AFF4: variants seen among roughly 807,000 people sequenced by gnomAD.
The protein encoded by AFF4 is AF4/FMR2 family member 4.
Under a neutral mutation model 124.8 loss-of-function variants are expected in AFF4, and 13 were observed. That is an observed-to-expected ratio of 0.10 (90% CI 0.07 to 0.17). The LOEUF is 0.17. Ranked by LOEUF, AFF4 falls within the 10% of genes least tolerant of loss-of-function variation. AFF4 has a pLI of 1.00. For missense variants in AFF4, 1,092 were observed against 1,403.8 expected (o/e 0.78, Z 3.55); for synonymous variants, 477 against 496.1 (o/e 0.96, Z 0.51).
intron 1 of AFF4, among the ~76,000 whole-genome samples, chr5:132,957,912 G>C (rs1352450367): frequency 6.6e-6 from 1 of 151,944 alleles, no homozygotes; most frequent in East Asian, 1.9e-4. Context: ...ACAATAAAAA[G>C]ATAGAGGAAA....
chr5:132,877,439 TAATA>T lies in AFF4; in HGVS notation c.*3616_*3619del, dbSNP rs1428767938. On this transcript the variant is annotated 3_prime_UTR_variant, in exon 21 of 21. Coordinates refer to ENST00000265343, the MANE Select transcript of AFF4 (RefSeq NM_014423.4). ...AACAAGAAAGTGTCTTAGATCAATT[TAATA>T]AATAATGTGGAAATAGTTGCACTAA... 8.8e-5 allele frequency: 19 copies of T among 215,866 alleles called. 1 individual carries two copies. Among genetic ancestry groups the T allele is most frequent in the Middle Eastern group, 1.4e-3 (1 of 702 alleles). The allele number at this position is 215,866 out of a possible 1,614,324, so 13.4% of individuals were successfully genotyped here. A position where few individuals can be genotyped will look rare whatever the true frequency, so the allele number is the denominator to read the frequency against.
chr5:132,894,791 A>T (rs1341003238), intron 11 of AFF4, among the ~76,000 whole-genome samples: 3 of 151,820 alleles, frequency 2.0e-5, no homozygotes, highest in Non-Finnish European at 4.4e-5. Context: ...GCAAGATACC[A>T]TCTCTATAAA....
intron 4 of AFF4, among the ~76,000 whole-genome samples, chr5:132,928,136 C>A (rs185134528): frequency 9.5e-4 from 144 of 152,048 alleles, no homozygotes; most frequent in Non-Finnish European, 1.8e-4. Context: ...AAGGGGCTCA[C>A]ACTTCAAAAA....
rs1314511781 is a variant in AFF4, at chr5:132,880,941, C to T, written c.*118G>A. On this transcript the variant is annotated 3_prime_UTR_variant, in exon 21 of 21. Transcript: ENST00000265343. ...TCAAAAACAACAACACATGAACCAA[C>T]GAGGAGAAAACTATTCCTCATTCTT... 1.6e-5 allele frequency: 21 copies of T among 1,324,610 alleles called. No individual in the cohort carries two copies. Among genetic ancestry groups the T allele is most frequent in the East Asian group, 2.5e-5 (1 of 40,606 alleles). 82.1% of individuals were successfully genotyped at this position (1,324,610 alleles called of 1,614,324 possible). A position where few individuals can be genotyped will look rare whatever the true frequency, so the allele number is the denominator to read the frequency against.
chr5:132,933,862 C>A (rs1258449249), intron 3 of AFF4, among the ~76,000 whole-genome samples: 1 of 152,190 alleles, frequency 6.6e-6, no homozygotes, highest in Non-Finnish European at 1.5e-5. Flanking sequence ...ATGCAGAAAT[C>A]TAAGATATCA....
At position 132,876,679 on chromosome 5, in the gene AFF4, G is replaced by C. The variant is rs1759847483; in HGVS notation, c.*4380C>G. 5.0e-6 allele frequency: 1 copy of C among 198,058 alleles called. No homozygotes were observed. Among genetic ancestry groups the C allele is most frequent in the African/African-American group, 2.3e-5 (1 of 43,336 alleles). The allele number at this position is 198,058 out of a possible 1,614,324, so 12.3% of individuals were successfully genotyped here. A position where few individuals can be genotyped will look rare whatever the true frequency, so the allele number is the denominator to read the frequency against. The stretch of plus-strand genomic sequence containing the variant: ...CTGTGACCAAATTACATGAAAAGAA[G>C]ATACATAGTTATTATTTCCATTCCC... On this transcript the variant is annotated 3_prime_UTR_variant, in exon 21 of 21. Transcript: ENST00000265343.
At position 132,936,855 on chromosome 5, in the gene AFF4, A is replaced by G. The variant is rs142926978; in HGVS notation, c.123+212T>C. Among the ~76,000 whole-genome samples the G allele has an allele frequency of 3.3e-4, 50 of 152,326 alleles. No individual in the cohort carries two copies. The East Asian group carries it at 8.3e-3, about 25-fold the overall frequency. On this transcript the variant is annotated intron_variant, in intron 2 of 20. Transcript: ENST00000265343. ...TGATGCTGTGAAAATTCTTCAAGCCATAATACCTATGTTGTGTATTTTTCT... is the reference window on the plus strand; with the variant it reads ...TGATGCTGTGAAAATTCTTCAAGCCGTAATACCTATGTTGTGTATTTTTCT...
In AFF4 at chr5:132,934,592, T is replaced by C. The variant is rs1022009453; in HGVS notation, c.473A>G (p.Asn158Ser). ...GQRHDRESYN[N>S]SGSSSRKKGQ... ...TTTTTTCCGGCTACTGCTCCCACTA[T>C]TGTTATATGACTCACGGTCGTGCCT... The change falls in exon 3 of 21, where the codon AAT becomes AGT. Residue 158 changes from asparagine to serine, a missense_variant. Physicochemically the swap from Asn to Ser is conservative, Grantham distance 46. Around this residue, in one of 11 missense-constraint regions of AFF4, gnomAD observed 188 missense variants for 203.0 expected, o/e 0.93. Transcript: ENST00000265343. 6.8e-6 allele frequency: 11 copies of C among 1,614,070 alleles called. No individual in the cohort carries two copies. Among genetic ancestry groups the C allele is most frequent in the African/African-American group, 6.7e-5 (5 of 74,906 alleles).
intron 5 of AFF4, chr5:132,926,703 T>A (rs929856272): frequency 4.4e-5 from 2 of 45,520 alleles, no homozygotes; most frequent in East Asian, 1.7e-3. Context: ...TGCCAAGCTT[T>A]TTTTTTTTTT....
intron 11 of AFF4, among the ~76,000 whole-genome samples, chr5:132,893,894 G>C (rs1760324432): frequency 6.6e-6 from 1 of 152,102 alleles, no homozygotes; most frequent in Non-Finnish European, 1.5e-5. Flanking sequence ...TTATAGATTT[G>C]CCTATTCTAG....
intron 2 of AFF4, 37 bp downstream of exon 2, chr5:132,937,030 C>T (rs772244907): frequency 2.5e-6 from 4 of 1,573,940 alleles, no homozygotes; most frequent in Non-Finnish European, 3.5e-6. Flanking sequence ...AAATGTCATG[C>T]TAATGGGAAA....
In AFF4 at chr5:132,876,151, T is replaced by G. The variant is rs1581260963; in HGVS notation, c.*4908A>C. On this transcript the variant is annotated 3_prime_UTR_variant, in exon 21 of 21. Transcript: ENST00000265343. The stretch of plus-strand genomic sequence containing the variant: ...CCCCACAACTGGCCCTTAAAGGTGG[T>G]GCCTTTTCAGGCAATGTCAACTGGC... 4.3e-6 allele frequency: 1 copy of G among 231,636 alleles called. No homozygotes were observed. The highest frequency in any genetic ancestry group is 6.1e-5 in the East Asian group (1 of 16,382). 14.3% of individuals were successfully genotyped at this position (231,636 alleles called of 1,614,324 possible).
At chr5:132,930,828 T>G (rs1761280670) in intron 4 of AFF4, among the ~76,000 whole-genome samples, 1 of 150,704 alleles carries the variant, frequency 6.6e-6, no homozygotes, top group Admixed American at 6.7e-5. Flanking sequence ...AAATGTTGGC[T>G]GGGCGTGGTG....
chr5:132,913,406 G>C (rs969271548), intron 5 of AFF4, among the ~76,000 whole-genome samples: 3 of 152,174 alleles, frequency 2.0e-5, no homozygotes, highest in African/African-American at 7.2e-5. Context: ...AACACTATAA[G>C]CCAACTTGAC....
At chr5:132,927,302 T>C in intron 4 of AFF4, 95 bp from the exon 5 acceptor site, 5 of 1,031,562 alleles carry the variant, frequency 4.8e-6, no homozygotes, top group Non-Finnish European at 5.7e-6. Flanking sequence ...ACTGGTTTCA[T>C]GACAGCTCCT....
At chr5:132,930,649 C>CA (rs547138672) in intron 4 of AFF4, among the ~76,000 whole-genome samples, 14,894 of 145,500 alleles carry the variant, frequency 0.1, 708 homozygotes, top group South Asian at 0.17. Flanking sequence ...CAGGAGCTCA[C>CA]AAAAAAAAAT....
intron 4 of AFF4, 88 bp downstream of exon 4, chr5:132,932,090 T>C: frequency 2.3e-6 from 2 of 855,320 alleles, no homozygotes; most frequent in Non-Finnish European, 3.5e-6. Context: ...CTTCAGATCC[T>C]TTGTGAAATA....
At chr5:132,949,705 C>T (rs987530190) in intron 1 of AFF4, among the ~76,000 whole-genome samples, 5 of 149,966 alleles carry the variant, frequency 3.3e-5, no homozygotes, top group East Asian at 2.0e-4. Flanking sequence ...CACACACGCG[C>T]GCGCGCGCGC....
At chr5:132,889,292 TTTCC>T in intron 13 of AFF4, 119 bp from the exon 14 acceptor site, 1 of 666,154 alleles carries the variant, frequency 1.5e-6, no homozygotes, top group Non-Finnish European at 2.6e-6. Context: ...TCATAATGAA[TTTCC>T]TTGTTACAAA....
Sources: allele counts gnomAD v4.1 joint callset (sites outside exome capture counted in the v4.1 genomes callset), GRCh38; gene constraint gnomAD v4.1.1; regional missense constraint gnomAD v4.1.1; transcripts MANE v1.5; gene names NCBI Gene and HGNC (gene_info 2026-07-23, HGNC 2026-07-21).